The following ARHGEF10 variants were observed in gnomAD, a reference collection of about 807,000 sequenced individuals.
ARHGEF10 encodes the protein Rho guanine nucleotide exchange factor 10.
In ARHGEF10, 140 loss-of-function variants were observed where a neutral mutation model predicts 147.4. The observed-to-expected ratio is 0.95, with a 90% CI of 0.83 to 1.09. ARHGEF10 has a LOEUF of 1.09. ARHGEF10 is among the 50% of genes least tolerant of loss of function. ARHGEF10 has a pLI of 0.00. For missense variants in ARHGEF10, 2,222 were observed against 1,752.7 expected (o/e 1.27, Z -4.78); for synonymous variants, 902 against 695.8 (o/e 1.30, Z -4.67).
At position 1,905,474 on chromosome 8, in the gene ARHGEF10, A is replaced by G; in HGVS notation, c.1822-97A>G. 2.0e-6 allele frequency: 3 copies of G among 1,501,586 alleles called. No homozygotes were observed. The South Asian group carries it at 3.4e-5, about 17-fold the overall frequency. 93.0% of individuals were successfully genotyped at this position (1,501,586 alleles called of 1,614,324 possible). On this transcript the variant is annotated intron_variant, in intron 16 of 28. Coordinates refer to ENST00000349830, the MANE Select transcript of ARHGEF10 (RefSeq NM_014629.4). ...GATTTCCGTAAAGCGCTCAGTTTGGAAAAGTCACCCTGAGACTCCATACCA... is the reference window on the plus strand; with the variant it reads ...GATTTCCGTAAAGCGCTCAGTTTGGGAAAGTCACCCTGAGACTCCATACCA...
chr8:1,873,847 C>T (rs1190545511), intron 7 of ARHGEF10, among the ~76,000 whole-genome samples: 2 of 150,228 alleles, frequency 1.3e-5, no homozygotes, highest in African/African-American at 2.4e-5. Context: ...ACAGAGGCCA[C>T]ACAGGGCCAC....
At chr8:1,930,430 C>T (rs1261614355) in intron 25 of ARHGEF10, among the ~76,000 whole-genome samples, 1 of 152,204 alleles carries the variant, frequency 6.6e-6, no homozygotes, top group Non-Finnish European at 1.5e-5. Context: ...TCCGCTTCTA[C>T]TGATTCATTC....
At chr8:1,927,725 C>G (rs1812794655) in intron 23 of ARHGEF10, among the ~76,000 whole-genome samples, 1 of 152,118 alleles carries the variant, frequency 6.6e-6, no homozygotes, top group Non-Finnish European at 1.5e-5. Flanking sequence ...CCAGCCTGGC[C>G]AAACATAGTG....
Position 1,898,322 on chromosome 8 carries a change from G to T in ARHGEF10, c.1558-111G>T. ...TTCTTCTTGTAGCTGAAGACAAGGT[G>T]CAGGCTTTTGACTTTCCCGAGTGTT... On this transcript the variant is annotated intron_variant, in intron 14 of 28. Coordinates refer to ENST00000349830, the MANE Select transcript of ARHGEF10 (RefSeq NM_014629.4). 3 of 913,522 alleles carry T rather than the reference G, an allele frequency of 3.3e-6. No homozygotes were observed. The South Asian group carries it at 4.1e-5, about 12-fold the overall frequency. 56.6% of individuals were successfully genotyped at this position (913,522 alleles called of 1,614,324 possible).
chr8:1,862,812 T>C (rs1336756626), intron 4 of ARHGEF10, among the ~76,000 whole-genome samples: 7 of 148,092 alleles, frequency 4.7e-5, no homozygotes, highest in Non-Finnish European at 8.9e-5. Context: ...AGAGTCTCGC[T>C]CTGTCGCTCA....
rs55742374 is a variant in ARHGEF10, at chr8:1,925,552, T to C, written c.2610+148T>C. On this transcript the variant is annotated intron_variant, in intron 22 of 28. Coordinates refer to ENST00000349830, the MANE Select transcript of ARHGEF10 (RefSeq NM_014629.4). ...ACCGCTTCTCTAGAGGTCATTTATC[T>C]GGAAATAAGACTGCTGTTGATTGAA... is the stretch of plus-strand genomic sequence containing the variant. The C allele has an allele frequency of 0.064, 75,450 of 1,176,290 alleles. 2,848 individuals carry two copies. The highest frequency in any genetic ancestry group is 0.074 in the Non-Finnish European group (63,206 of 856,188). The allele number at this position is 1,176,290 out of a possible 1,614,324, so 72.9% of individuals were successfully genotyped here. A position where few individuals can be genotyped will look rare whatever the true frequency, so the allele number is the denominator to read the frequency against.
intron 8 of ARHGEF10, among the ~76,000 whole-genome samples, chr8:1,878,276 A>G (rs528038867): frequency 1.4e-4 from 21 of 151,496 alleles, no homozygotes; most frequent in Admixed American, 4.6e-4. Context: ...TGCAACCTCC[A>G]CTTCCCAGAT....
chr8:1,945,417 A>T (rs1195875926), intron 26 of ARHGEF10, 64 bp from the exon 27 acceptor site: 1 of 1,541,554 alleles, frequency 6.5e-7, no homozygotes, highest in African/African-American at 1.4e-5. Flanking sequence ...CGCCACGTGG[A>T]CCCAACAGGC....
At chr8:1,880,316 A>G (rs1381329265) in intron 9 of ARHGEF10, 152 bp downstream of exon 9, 1 of 671,300 alleles carries the variant, frequency 1.5e-6, no homozygotes, top group African/African-American at 1.8e-5. Flanking sequence ...GCTCACGTGG[A>G]CTCTGAGACG....
At chr8:1,888,440 G>T (rs1287967727) in intron 11 of ARHGEF10, among the ~76,000 whole-genome samples, 1 of 129,434 alleles carries the variant, frequency 7.7e-6, no homozygotes, top group African/African-American at 3.2e-5. Flanking sequence ...GTGGAGGGCT[G>T]TGAGGAGGCA....
chr8:1,924,376 T>C (rs1402635224), intron 21 of ARHGEF10, among the ~76,000 whole-genome samples: 1 of 152,260 alleles, frequency 6.6e-6, no homozygotes, highest in Non-Finnish European at 1.5e-5. Flanking sequence ...CTTGTTCCTA[T>C]GTCTCTTCAG....
intron 3 of ARHGEF10, among the ~76,000 whole-genome samples, chr8:1,859,213 ATAGCACCTGCCTCTCGGTTGTTTGCCCG>A (rs1805876651): frequency 7.1e-6 from 1 of 140,992 alleles, no homozygotes; most frequent in Admixed American, 7.1e-5. Context: ...TTCTTTGGCC[ATAGCACCTGCCTCTCGGTTGTTTGCCCG>A]GTGTTTCTTT....
chr8:1,938,863 A>C (rs1813839720), intron 26 of ARHGEF10, among the ~76,000 whole-genome samples: 1 of 151,924 alleles, frequency 6.6e-6, no homozygotes, highest in Admixed American at 6.6e-5. Context: ...AAATCTGAAC[A>C]CTGTGGAATC....
intron 8 of ARHGEF10, among the ~76,000 whole-genome samples, chr8:1,877,389 A>T (rs956097238): frequency 1.3e-4 from 20 of 151,912 alleles, no homozygotes; most frequent in African/African-American, 4.4e-4. Flanking sequence ...CATGACTCCT[A>T]GCTAATTTTC....
At chr8:1,878,982 C>G (rs918466922) in intron 8 of ARHGEF10, among the ~76,000 whole-genome samples, 1 of 152,192 alleles carries the variant, frequency 6.6e-6, no homozygotes, top group African/African-American at 2.4e-5. Flanking sequence ...GGGGTGCAGA[C>G]AGGGCGCCCG....
At chr8:1,832,000 C>T (rs1236939874) in intron 1 of ARHGEF10, among the ~76,000 whole-genome samples, 1 of 152,132 alleles carries the variant, frequency 6.6e-6, no homozygotes, top group Non-Finnish European at 1.5e-5. Flanking sequence ...GTGGGTGTGG[C>T]CGCTGGGGAC....
At chr8:1,876,194 C>A (rs1034343489) in intron 7 of ARHGEF10, 4 of 300,642 alleles carry the variant, frequency 1.3e-5, no homozygotes, top group African/African-American at 2.2e-5. Context: ...TTCTCTCTGT[C>A]TAATTTTCAA....
At chr8:1,911,192 C>G (rs1441680644) in intron 18 of ARHGEF10, among the ~76,000 whole-genome samples, 3 of 152,152 alleles carry the variant, frequency 2.0e-5, no homozygotes, top group South Asian at 2.1e-4. Flanking sequence ...TTTCTTTATT[C>G]TGAATTCAAG....
intron 1 of ARHGEF10, among the ~76,000 whole-genome samples, chr8:1,826,784 C>T (rs924667443): frequency 9.2e-5 from 14 of 152,190 alleles, no homozygotes; most frequent in Admixed American, 3.3e-4. Flanking sequence ...AAGAACAGCT[C>T]GGATCTGGAG....
Sources: allele counts gnomAD v4.1 joint callset (sites outside exome capture counted in the v4.1 genomes callset), GRCh38; gene constraint gnomAD v4.1.1; transcripts MANE v1.5; gene names NCBI Gene and HGNC (gene_info 2026-07-23, HGNC 2026-07-21).